The following ATRNL1 variants were observed in gnomAD, a reference collection of about 807,000 sequenced individuals.
The protein encoded by ATRNL1 is attractin-like protein 1.
A neutral mutation model predicts 182.7 loss-of-function variants in ATRNL1; 95 were observed. That is an observed-to-expected ratio of 0.52 (90% confidence interval 0.44 to 0.62). The LOEUF (loss-of-function observed/expected upper bound fraction) is 0.62. Ranked by LOEUF, ATRNL1 falls within the 20% of genes least tolerant of loss-of-function variation. The pLI is 0.00. For missense variants in ATRNL1, 1,471 were observed against 1,679.5 expected (o/e 0.88, Z 2.17); for synonymous variants, 576 against 568.3 (o/e 1.01, Z -0.19).
chr10:115,628,838 A>G (rs1555025485), intron 26 of ATRNL1, among the ~76,000 whole-genome samples: 1 of 152,166 alleles, frequency 6.6e-6, no homozygotes, highest in Non-Finnish European at 1.5e-5. Context: ...CTTTTATGGC[A>G]AAAACTGCAA....
chr10:115,523,542 C>T (rs1341748202), intron 25 of ATRNL1, among the ~76,000 whole-genome samples: 1 of 152,194 alleles, frequency 6.6e-6, no homozygotes, highest in Non-Finnish European at 1.5e-5. Flanking sequence ...TTTATTTGCT[C>T]CTGCATGTGA....
At chr10:115,189,119 C>T (rs1349018925) in intron 8 of ATRNL1, among the ~76,000 whole-genome samples, 1 of 152,010 alleles carries the variant, frequency 6.6e-6, no homozygotes, top group Non-Finnish European at 1.5e-5. Context: ...ATTCCTATCC[C>T]TGGAGATGAT....
At chr10:115,495,516 C>T (rs1290975034) in intron 24 of ATRNL1, among the ~76,000 whole-genome samples, 1 of 152,044 alleles carries the variant, frequency 6.6e-6, no homozygotes, top group Non-Finnish European at 1.5e-5. Flanking sequence ...TGGTGTTTTG[C>T]ATCTTTGTTC....
intron 19 of ATRNL1, among the ~76,000 whole-genome samples, chr10:115,369,558 A>G (rs1434555147): frequency 1.3e-5 from 2 of 152,152 alleles, no homozygotes; most frequent in African/African-American, 4.8e-5. Context: ...CTCTTTGAAA[A>G]TTGATTTCAT....
At chr10:115,707,101 T>A (rs1204685517) in intron 26 of ATRNL1, among the ~76,000 whole-genome samples, 1 of 151,866 alleles carries the variant, frequency 6.6e-6, no homozygotes, top group Non-Finnish European at 1.5e-5. Flanking sequence ...TCCGTGTCGC[T>A]TTTATCCTGT....
At chr10:115,501,109 T>C (rs1452490230) in intron 24 of ATRNL1, among the ~76,000 whole-genome samples, 2 of 151,678 alleles carry the variant, frequency 1.3e-5, no homozygotes, top group Admixed American at 6.6e-5. Flanking sequence ...ATTTTTGTAT[T>C]GTTTGGTAGA....
intron 26 of ATRNL1, among the ~76,000 whole-genome samples, chr10:115,677,982 G>T (rs1158014060): frequency 2.0e-5 from 3 of 152,026 alleles, no homozygotes; most frequent in Non-Finnish European, 4.4e-5. Flanking sequence ...TACTTATTTA[G>T]TCTATGTTGA....
intron 6 of ATRNL1, among the ~76,000 whole-genome samples, chr10:115,165,099 C>T (rs1554884057): frequency 6.6e-6 from 1 of 151,410 alleles, no homozygotes. Context: ...ATATGTACAA[C>T]TTAAATATCA....
intron 28 of ATRNL1, chr10:115,909,520 C>T (rs1952605832): frequency 6.6e-6 from 1 of 151,802 alleles, no homozygotes; most frequent in Non-Finnish European, 1.5e-5. Flanking sequence ...TCTCACCCTC[C>T]CCAAACCAGA....
At chr10:115,482,104 A>G (rs939391893) in intron 24 of ATRNL1, among the ~76,000 whole-genome samples, 5 of 151,082 alleles carry the variant, frequency 3.3e-5, no homozygotes, top group African/African-American at 1.2e-4. Flanking sequence ...AATATTTCAG[A>G]ATCTCTCAAT....
At chr10:115,184,545 A>G (rs904546863) in intron 8 of ATRNL1, among the ~76,000 whole-genome samples, 1 of 151,788 alleles carries the variant, frequency 6.6e-6, no homozygotes, top group African/African-American at 2.4e-5. Flanking sequence ...AAATGAACAC[A>G]GGAAAGATAA....
chr10:115,218,179 T>C (rs1849303711), intron 9 of ATRNL1, among the ~76,000 whole-genome samples: 1 of 151,558 alleles, frequency 6.6e-6, no homozygotes, highest in East Asian at 1.9e-4. Flanking sequence ...TGCAACTAGA[T>C]GGTCCCATTC....
chr10:115,308,374 G>A (rs951094469), intron 17 of ATRNL1, among the ~76,000 whole-genome samples: 1 of 152,038 alleles, frequency 6.6e-6, no homozygotes, highest in East Asian at 1.9e-4. Context: ...AGGTTCAAAT[G>A]AAAATTCAAT....
chr10:115,136,985 G>T (rs1845542256), intron 5 of ATRNL1, among the ~76,000 whole-genome samples: 1 of 152,134 alleles, frequency 6.6e-6, no homozygotes, highest in Admixed American at 6.5e-5. Flanking sequence ...TATAACACAT[G>T]AAAAGCAAGA....
At chr10:115,472,773 A>C (rs1470327626) in intron 24 of ATRNL1, among the ~76,000 whole-genome samples, 2 of 150,972 alleles carry the variant, frequency 1.3e-5, no homozygotes, top group African/African-American at 2.4e-5. Context: ...GTGTATGAGA[A>C]CATGTCATCT....
intron 25 of ATRNL1, among the ~76,000 whole-genome samples, chr10:115,522,119 T>G (rs1032079558): frequency 2.0e-5 from 3 of 152,232 alleles, no homozygotes; most frequent in Admixed American, 2.0e-4. Context: ...AGACATACCC[T>G]GGCTCTGTTC....
At chr10:115,584,796 G>T (rs187938595) in intron 26 of ATRNL1, among the ~76,000 whole-genome samples, 3 of 152,012 alleles carry the variant, frequency 2.0e-5, no homozygotes, top group African/African-American at 7.3e-5. Flanking sequence ...GCTAGGTTTT[G>T]AATGTGTTTG....
chr10:115,375,758 A>G (rs1233770817), intron 19 of ATRNL1, among the ~76,000 whole-genome samples: 2 of 152,120 alleles, frequency 1.3e-5, no homozygotes, highest in Admixed American at 1.3e-4. Context: ...CATTTTATGT[A>G]ATTGATGTCA....
intron 28 of ATRNL1, among the ~76,000 whole-genome samples, chr10:115,886,378 G>A (rs1951945814): frequency 6.6e-6 from 1 of 152,162 alleles, no homozygotes; most frequent in Non-Finnish European, 1.5e-5. Flanking sequence ...GCCGGGTGTG[G>A]TGGCGCATGC....
Sources: allele counts gnomAD v4.1 joint callset (sites outside exome capture counted in the v4.1 genomes callset), GRCh38; gene constraint gnomAD v4.1.1; transcripts MANE v1.5; gene names NCBI Gene and HGNC (gene_info 2026-07-23, HGNC 2026-07-21).